Variants in CACNA1E observed in about 807,000 individuals in gnomAD.
CACNA1E encodes the protein voltage-dependent R-type calcium channel subunit alpha-1E.
CACNA1E carries 40 observed loss-of-function variants against 259.2 expected under a neutral mutation model. That is an observed-to-expected ratio of 0.15 (90% CI 0.12 to 0.20). CACNA1E has a LOEUF of 0.20. Among genes scored for constraint, CACNA1E ranks in the 10% least tolerant of loss-of-function variants. The probability of loss-of-function intolerance (pLI) is 1.00; values close to 1 mark genes in which losing one functional copy is unlikely to be tolerated. For synonymous variants in CACNA1E, 1,104 were observed against 1,138.5 expected (o/e 0.97, Z 0.61); for missense variants, 1,874 against 3,040.1 (o/e 0.62, Z 9.02).
At chr1:181,787,540 T>G (rs970250557) in intron 43 of CACNA1E, among the ~76,000 whole-genome samples, 3 of 152,210 alleles carry the variant, frequency 2.0e-5, no homozygotes, top group African/African-American at 7.2e-5. Context: ...ATTGATCCAT[T>G]TACTCATTGA....
intron 6 of CACNA1E, among the ~76,000 whole-genome samples, chr1:181,601,444 A>G (rs1653739119): frequency 6.6e-6 from 1 of 151,804 alleles, no homozygotes; most frequent in South Asian, 2.1e-4. Context: ...GCTCTCTCCC[A>G]CCTGGTCCTC....
At chr1:181,520,689 A>G (rs1558082624) in intron 3 of CACNA1E, among the ~76,000 whole-genome samples, 1 of 152,242 alleles carries the variant, frequency 6.6e-6, no homozygotes, top group South Asian at 2.1e-4. Flanking sequence ...TATCAGCAGC[A>G]TATCTAATTT....
At chr1:181,422,331 A>T (rs915748437) in intron 2 of CACNA1E, among the ~76,000 whole-genome samples, 1 of 152,192 alleles carries the variant, frequency 6.6e-6, no homozygotes, top group African/African-American at 2.4e-5. Flanking sequence ...TTATTTGTGA[A>T]TGAATATTTA....
intron 28 of CACNA1E, 63 bp from the exon 29 acceptor site, chr1:181,755,893 C>A: frequency 1.3e-6 from 2 of 1,532,078 alleles, no homozygotes; most frequent in Non-Finnish European, 1.8e-6. Context: ...GTAGAATGTG[C>A]TGACTCTTCT....
chr1:181,488,742 A>G (rs569074744), intron 1 of CACNA1E, among the ~76,000 whole-genome samples: 2 of 152,208 alleles, frequency 1.3e-5, no homozygotes, highest in South Asian at 2.1e-4. Flanking sequence ...TTTTTCTGCA[A>G]TAGGCGCAGT....
chr1:181,692,787 T>G (rs767133768), intron 7 of CACNA1E, among the ~76,000 whole-genome samples: 6 of 151,870 alleles, frequency 4.0e-5, no homozygotes, highest in Non-Finnish European at 8.8e-5. Flanking sequence ...AAAAAACAAT[T>G]GACAAGTGGG....
At chr1:181,751,484 A>G (rs1305817005) in intron 26 of CACNA1E, among the ~76,000 whole-genome samples, 1 of 152,162 alleles carries the variant, frequency 6.6e-6, no homozygotes. Flanking sequence ...CTGGGGTGTG[A>G]GCCAAGGTCC....
intron 1 of CACNA1E, among the ~76,000 whole-genome samples, chr1:181,488,354 C>A (rs1021518475): frequency 3.3e-5 from 5 of 152,208 alleles, no homozygotes; most frequent in African/African-American, 1.2e-4. Context: ...GTAATTATAT[C>A]CTATGATCAG....
intron 37 of CACNA1E, among the ~76,000 whole-genome samples, chr1:181,774,839 C>G (rs1423136814): frequency 6.6e-6 from 1 of 152,216 alleles, no homozygotes; most frequent in East Asian, 1.9e-4. Flanking sequence ...GTTTTCCCAC[C>G]AGTTGTTATC....
chr1:181,475,837 A>G (rs934813741), intron 2 of CACNA1E, among the ~76,000 whole-genome samples: 3 of 152,200 alleles, frequency 2.0e-5, no homozygotes, highest in African/African-American at 7.2e-5. Flanking sequence ...AGCTACCCCT[A>G]ACTTCATTGG....
chr1:181,699,446 G>A (rs1218345790), intron 7 of CACNA1E, among the ~76,000 whole-genome samples: 1 of 152,122 alleles, frequency 6.6e-6, no homozygotes, highest in African/African-American at 2.4e-5. Context: ...CCCATCCCAC[G>A]CCAGTGGTCG....
At chr1:181,529,565 G>T (rs1183548690) in intron 3 of CACNA1E, among the ~76,000 whole-genome samples, 1 of 152,236 alleles carries the variant, frequency 6.6e-6, no homozygotes, top group Non-Finnish European at 1.5e-5. Context: ...AAGCAGCCAG[G>T]AGGAAGGCTG....
chr1:181,694,921 G>GA (rs1361827875), intron 7 of CACNA1E, among the ~76,000 whole-genome samples: 8 of 151,952 alleles, frequency 5.3e-5, no homozygotes, highest in Non-Finnish European at 1.2e-4. Context: ...AATTGGAAAG[G>GA]AAAAAATAAA....
At chr1:181,696,957 C>A (rs1651768255) in intron 7 of CACNA1E, among the ~76,000 whole-genome samples, 1 of 152,160 alleles carries the variant, frequency 6.6e-6, no homozygotes, top group South Asian at 2.1e-4. Flanking sequence ...CTGCTTCCTG[C>A]ACATAATAAG....
intron 3 of CACNA1E, among the ~76,000 whole-genome samples, chr1:181,560,891 G>A (rs1264284293): frequency 6.6e-6 from 1 of 152,202 alleles, no homozygotes; most frequent in African/African-American, 2.4e-5. Context: ...ACATACAATG[G>A]AACAGTATTC....
At chr1:181,650,137 A>G (rs917176706) in intron 6 of CACNA1E, among the ~76,000 whole-genome samples, 1 of 152,244 alleles carries the variant, frequency 6.6e-6, no homozygotes, top group African/African-American at 2.4e-5. Flanking sequence ...AGAAAACAAG[A>G]GAATGTCACA....
At chr1:181,790,629 TA>T in intron 44 of CACNA1E, 73 bp downstream of exon 44, 1 of 966,444 alleles carries the variant, frequency 1.0e-6, no homozygotes, top group Non-Finnish European at 1.7e-6. Context: ...TTTTATTACA[TA>T]GTCATGGTCC....
At chr1:181,440,221 G>T (rs1292610142) in intron 2 of CACNA1E, among the ~76,000 whole-genome samples, 1 of 151,978 alleles carries the variant, frequency 6.6e-6, no homozygotes, top group Non-Finnish European at 1.5e-5. Context: ...GGCAATTGTC[G>T]TATGCTTCCA....
At chr1:181,423,038 T>C (rs1365103519) in intron 2 of CACNA1E, among the ~76,000 whole-genome samples, 2 of 152,218 alleles carry the variant, frequency 1.3e-5, no homozygotes, top group African/African-American at 2.4e-5. Flanking sequence ...TACCCATCAT[T>C]ACTACCTTAG....
Sources: allele counts gnomAD v4.1 joint callset (sites outside exome capture counted in the v4.1 genomes callset), GRCh38; gene constraint gnomAD v4.1.1; transcripts MANE v1.5; gene names NCBI Gene and HGNC (gene_info 2026-07-23, HGNC 2026-07-21).